RYR2: variants seen among roughly 807,000 people sequenced by gnomAD.
RYR2 encodes cardiac muscle ryanodine receptor-calcium release channel.
Under a neutral mutation model 601.1 loss-of-function variants are expected in RYR2, and 227 were observed. That is an observed-to-expected ratio of 0.38 (90% CI 0.34 to 0.42). RYR2 has a LOEUF of 0.42. RYR2 is among the 10% of genes least tolerant of loss of function. RYR2 has a pLI of 1.00. For synonymous variants in RYR2, 2,223 were observed against 2,175.1 expected (o/e 1.02, Z -0.61); for missense variants, 4,646 against 6,156.5 (o/e 0.75, Z 8.21).
At chr1:237,582,925 T>TATATATATATAC (rs1208539581) in intron 29 of RYR2, among the ~76,000 whole-genome samples, 1 of 130,772 alleles carries the variant, frequency 7.6e-6, no homozygotes, top group Non-Finnish European at 1.6e-5. Context: ...TTCTTTTGGA[T>TATATATATATAC]ATATATATAT....
At chr1:237,470,148 A>C (rs1240566744) in intron 17 of RYR2, among the ~76,000 whole-genome samples, 1 of 152,302 alleles carries the variant, frequency 6.6e-6, no homozygotes, top group East Asian at 1.9e-4. Flanking sequence ...ATTAGTAATG[A>C]ACTTCTTGAA....
Position 237,733,738 on chromosome 1 carries a change from T to C in RYR2, c.11073T>C (p.Tyr3691=), listed in dbSNP as rs1690896134. Residue 3691 remains tyrosine (Y), a synonymous_variant, in exon 79 of 105, where the codon TAT becomes TAC. Coordinates refer to ENST00000366574, the MANE Select transcript of RYR2 (RefSeq NM_001035.3). ...KLEEDFLYMA[Y]ADIMAKSCHD... ...AGGAAGATTTTTTATATATGGCCTA[T>C]GCAGATATTATGGCAAAGGTAAATA... The C allele has an allele frequency of 1.2e-6, 2 of 1,602,996 alleles. No individual in the cohort carries two copies. Among genetic ancestry groups the C allele is most frequent in the Admixed American group, 1.7e-5 (1 of 59,922 alleles).
intron 1 of RYR2, among the ~76,000 whole-genome samples, chr1:237,205,086 G>A (rs1428313223): frequency 6.6e-6 from 1 of 152,176 alleles, no homozygotes; most frequent in African/African-American, 2.4e-5. Flanking sequence ...CTGAGCTAGG[G>A]GCTGACATGA....
At chr1:237,646,277 G>A (rs1682145059) in intron 48 of RYR2, among the ~76,000 whole-genome samples, 2 of 150,992 alleles carry the variant, frequency 1.3e-5, no homozygotes, top group South Asian at 4.3e-4. Flanking sequence ...GGAGACGGAG[G>A]TTGCAGTGAG....
chr1:237,566,449 C>T (rs1040975429), intron 27 of RYR2, 118 bp from the exon 28 acceptor site: 10 of 1,004,544 alleles, frequency 1.0e-5, no homozygotes, highest in East Asian at 2.7e-5. Flanking sequence ...TTATCATCAT[C>T]GCTCTAGGTT....
chr1:237,127,527 T>G (rs1292149060), intron 1 of RYR2, among the ~76,000 whole-genome samples: 1 of 138,748 alleles, frequency 7.2e-6, no homozygotes, highest in Non-Finnish European at 1.5e-5. Flanking sequence ...TGCCCCCACC[T>G]CCCTCCCGGA....
chr1:237,619,264 C>T (rs894137982), intron 38 of RYR2, among the ~76,000 whole-genome samples: 2 of 152,118 alleles, frequency 1.3e-5, no homozygotes, highest in Non-Finnish European at 2.9e-5. Context: ...TGAAAGCAAT[C>T]GCCCTGTAAT....
At chr1:237,807,032 A>G (rs369267529) in intron 99 of RYR2, among the ~76,000 whole-genome samples, 1 of 152,152 alleles carries the variant, frequency 6.6e-6, no homozygotes, top group African/African-American at 2.4e-5. Context: ...AGCCCAGCAC[A>G]TTTTAAAATA....
chr1:237,523,328 T>G (rs1667269796), intron 24 of RYR2, among the ~76,000 whole-genome samples: 1 of 152,230 alleles, frequency 6.6e-6, no homozygotes, highest in African/African-American at 2.4e-5. Flanking sequence ...CAAGCACAAT[T>G]GTATTAATAG....
intron 101 of RYR2, among the ~76,000 whole-genome samples, chr1:237,820,751 C>T (rs1662400602): frequency 6.6e-6 from 1 of 152,164 alleles, no homozygotes; most frequent in Admixed American, 6.5e-5. Context: ...CCCCACGGAG[C>T]CCAGCACGCG....
intron 17 of RYR2, among the ~76,000 whole-genome samples, chr1:237,488,679 A>G (rs2998408): frequency 0.28 from 42,814 of 151,962 alleles, 6,120 homozygotes; most frequent in South Asian, 0.41. Context: ...TAACTGATAC[A>G]TATATTCTCC....
At chr1:237,786,180 G>C in intron 91 of RYR2, 144 bp downstream of exon 91, 1 of 624,554 alleles carries the variant, frequency 1.6e-6, no homozygotes, top group Non-Finnish European at 2.8e-6. Flanking sequence ...CCGTGGAGAG[G>C]CTCTGACAGC....
intron 12 of RYR2, among the ~76,000 whole-genome samples, chr1:237,436,938 A>G (rs747948548): frequency 7.3e-5 from 11 of 151,498 alleles, no homozygotes; most frequent in Non-Finnish European, 1.5e-4. Context: ...AGAAATAGGT[A>G]TGGCTTCATT....
rs772628091 is a variant in RYR2 at position 237,548,602 on chromosome 1, T to A, written c.3066+12T>A. 6 of 1,612,582 alleles carry A rather than the reference T, an allele frequency of 3.7e-6. No individual in the cohort carries two copies. Among genetic ancestry groups the A allele is most frequent in the Non-Finnish European group, 3.4e-6 (4 of 1,179,138 alleles). ...ATGGCATCCAACAGGTACATGGGAA[T>A]TAGCATTTGGTCTGAGACTTACTTA... On this transcript the variant is annotated intron_variant, in intron 26 of 104. Transcript: ENST00000366574.
At chr1:237,322,437 G>A (rs540685985) in intron 2 of RYR2, among the ~76,000 whole-genome samples, 117 of 152,276 alleles carry the variant, frequency 7.7e-4, no homozygotes, top group South Asian at 2.7e-3. Flanking sequence ...CATGAGACAA[G>A]GAACTATGGC....
chr1:237,119,436 GTGTGTGCGTA>G (rs1198252199), intron 1 of RYR2, among the ~76,000 whole-genome samples: 1 of 152,222 alleles, frequency 6.6e-6, no homozygotes, highest in South Asian at 2.1e-4. Context: ...GTGTGTGCGT[GTGTGTGCGTA>G]TGCTCTCATC....
intron 1 of RYR2, among the ~76,000 whole-genome samples, chr1:237,226,545 C>T (rs1469658015): frequency 6.6e-6 from 1 of 152,180 alleles, no homozygotes; most frequent in Non-Finnish European, 1.5e-5. Context: ...TGGAGAGACA[C>T]TTCCGAGAGA....
chr1:237,165,341 G>A (rs943962858), intron 1 of RYR2, among the ~76,000 whole-genome samples: 2 of 152,254 alleles, frequency 1.3e-5, no homozygotes, highest in Admixed American at 1.3e-4. Context: ...AAGTTCATGG[G>A]CAGACTCCTG....
intron 17 of RYR2, among the ~76,000 whole-genome samples, chr1:237,482,246 GTTA>G (rs1662194762): frequency 6.6e-6 from 1 of 151,996 alleles, no homozygotes; most frequent in East Asian, 1.9e-4. Context: ...GTGCAATTAA[GTTA>G]TTATTGGATA....
Sources: allele counts gnomAD v4.1 joint callset (sites outside exome capture counted in the v4.1 genomes callset), GRCh38; gene constraint gnomAD v4.1.1; transcripts MANE v1.5; gene names NCBI Gene and HGNC (gene_info 2026-07-23, HGNC 2026-07-21).